The following NRG3 variants were observed in gnomAD, a reference collection of about 807,000 sequenced individuals.
NRG3 encodes the protein pro-neuregulin-3, membrane-bound isoform.
A neutral mutation model predicts 66.9 loss-of-function variants in NRG3; 31 were observed. The ratio of observed to expected loss-of-function variants is 0.46; its 90% CI spans 0.35 to 0.63. NRG3 has a LOEUF of 0.63. Among genes scored for constraint, NRG3 ranks in the 20% least tolerant of loss-of-function variants. The pLI is 0.00. For missense variants in NRG3, 910 were observed against 878.9 expected, an observed-to-expected ratio of 1.04 and a Z score of -0.45; for synonymous variants, 393 against 359.4, an observed-to-expected ratio of 1.09 and a Z score of -1.06.
intron 2 of NRG3, among the ~76,000 whole-genome samples, chr10:82,729,626 G>T (rs1399513426): frequency 6.6e-6 from 1 of 152,128 alleles, no homozygotes; most frequent in African/African-American, 2.4e-5. Context: ...TCATGACTAA[G>T]TAGAGGCAGA....
chr10:82,235,757 G>GCTAGGCT (rs1280025278), intron 1 of NRG3, among the ~76,000 whole-genome samples: 1 of 152,146 alleles, frequency 6.6e-6, no homozygotes, highest in African/African-American at 2.4e-5. Context: ...ATGACAGATT[G>GCTAGGCT]CTAGGCTCTG....
At chr10:82,978,494 G>A (rs982055944) in intron 7 of NRG3, among the ~76,000 whole-genome samples, 11 of 152,130 alleles carry the variant, frequency 7.2e-5, no homozygotes, top group African/African-American at 2.2e-4. Flanking sequence ...TAATTTTATC[G>A]CTAATAAGTG....
At chr10:82,340,160 G>A (rs1055678612) in intron 1 of NRG3, among the ~76,000 whole-genome samples, 11 of 152,090 alleles carry the variant, frequency 7.2e-5, no homozygotes, top group Admixed American at 6.6e-5. Context: ...AGTTAGTCCT[G>A]TTATAATCTC....
chr10:82,953,902 G>C (rs1384474182), intron 5 of NRG3, among the ~76,000 whole-genome samples: 1 of 150,324 alleles, frequency 6.7e-6, no homozygotes, highest in Non-Finnish European at 1.5e-5. Context: ...AGGTTGCAGT[G>C]AGCCAAGATC....
chr10:82,125,610 T>C (rs963947318), intron 1 of NRG3, among the ~76,000 whole-genome samples: 3 of 152,000 alleles, frequency 2.0e-5, no homozygotes, highest in Non-Finnish European at 4.4e-5. Flanking sequence ...CAAATGTATA[T>C]TTTTAGTCTT....
chr10:82,699,095 A>C (rs1250171928), intron 2 of NRG3, among the ~76,000 whole-genome samples: 1 of 152,200 alleles, frequency 6.6e-6, no homozygotes, highest in Non-Finnish European at 1.5e-5. Context: ...TCTCTGAAGC[A>C]CATGGGCATT....
At chr10:82,413,030 T>C (rs1269718512) in intron 2 of NRG3, among the ~76,000 whole-genome samples, 2 of 152,084 alleles carry the variant, frequency 1.3e-5, no homozygotes, top group Non-Finnish European at 1.5e-5. Context: ...TCCATGAGAG[T>C]TGGAATCAAC....
At chr10:82,576,780 C>A (rs2046058201) in intron 2 of NRG3, among the ~76,000 whole-genome samples, 1 of 151,680 alleles carries the variant, frequency 6.6e-6, no homozygotes, top group Non-Finnish European at 1.5e-5. Flanking sequence ...TAAACTCTTG[C>A]AGCACCAGTC....
At chr10:82,839,387 G>A (rs2135736348) in intron 3 of NRG3, among the ~76,000 whole-genome samples, 1 of 152,104 alleles carries the variant, frequency 6.6e-6, no homozygotes, top group East Asian at 1.9e-4. Context: ...AATTAAGTGA[G>A]AAGATAAATG....
chr10:82,291,658 A>G (rs994535950), intron 1 of NRG3, among the ~76,000 whole-genome samples: 1 of 152,180 alleles, frequency 6.6e-6, no homozygotes, highest in African/African-American at 2.4e-5. Flanking sequence ...ATTCACACCA[A>G]TTTGCCCACA....
chr10:82,020,307 G>A (rs1224263555), intron 1 of NRG3, among the ~76,000 whole-genome samples: 2 of 152,040 alleles, frequency 1.3e-5, no homozygotes, highest in Non-Finnish European at 2.9e-5. Context: ...TCCATAAACT[G>A]CCTTGTTTAA....
intron 3 of NRG3, among the ~76,000 whole-genome samples, chr10:82,758,458 T>A (rs768818044): frequency 4.7e-4 from 72 of 152,092 alleles, no homozygotes; most frequent in Non-Finnish European, 9.7e-4. Context: ...TGTCAATGAA[T>A]ACAAATTCTC....
In NRG3 at chr10:82,468,571, T is replaced by C. The variant is rs369245762; in HGVS notation, c.953+109703T>C. Among the ~76,000 whole-genome samples, 7 of 152,326 alleles carry C rather than the reference T, an allele frequency of 4.6e-5. No individual in the cohort carries two copies. The East Asian group carries it at 1.4e-3, about 29-fold the overall frequency. On this transcript the variant is annotated intron_variant, in intron 2 of 8. Coordinates refer to ENST00000372141, the MANE Select transcript of NRG3 (RefSeq NM_001010848.4). ...TTGAGGAGAGATTTCTATGGATACA[T>C]TGGCATTGTCCAGGAGACAGGTGAC...
chr10:82,064,384 T>C (rs904377406), intron 1 of NRG3, among the ~76,000 whole-genome samples: 4 of 151,534 alleles, frequency 2.6e-5, no homozygotes, highest in African/African-American at 4.8e-5. Flanking sequence ...AAATAATATA[T>C]TTATTATAAA....
intron 4 of NRG3, among the ~76,000 whole-genome samples, chr10:82,903,392 G>T (rs1283604726): frequency 6.6e-6 from 1 of 152,094 alleles, no homozygotes; most frequent in African/African-American, 2.4e-5. Flanking sequence ...TGTGTTTAGT[G>T]CAGTACCTTA....
chr10:82,877,371 CTTTTTTTT>C (rs59994503), intron 4 of NRG3, among the ~76,000 whole-genome samples: 3 of 79,000 alleles, frequency 3.8e-5, no homozygotes, highest in South Asian at 5.6e-4. Context: ...ATAGGGCAGA[CTTTTTTTT>C]TTTTTTTTTT....
intron 1 of NRG3, among the ~76,000 whole-genome samples, chr10:82,280,896 C>T (rs915558185): frequency 7.9e-5 from 12 of 152,192 alleles, no homozygotes; most frequent in African/African-American, 2.9e-4. Flanking sequence ...AGCATGGCCA[C>T]CCAGAGCAGA....
chr10:81,956,260 GC>G (rs34368964), intron 1 of NRG3, among the ~76,000 whole-genome samples: 2,156 of 152,268 alleles, frequency 0.014, 48 homozygotes, highest in African/African-American at 0.049. Context: ...CCTGGGGCAA[GC>G]CATTCACCAA....
At chr10:82,926,758 G>A (rs1847040663) in intron 4 of NRG3, among the ~76,000 whole-genome samples, 1 of 152,138 alleles carries the variant, frequency 6.6e-6, no homozygotes, top group South Asian at 2.1e-4. Context: ...TTTGAGGCCT[G>A]GCCTCTCTCA....
Sources: gnomAD v4.1 joint callset for allele counts (sites outside exome capture counted in the v4.1 genomes callset) on GRCh38, gnomAD v4.1.1 for gene constraint, MANE v1.5 for transcripts, NCBI Gene and HGNC (gene_info 2026-07-23, HGNC 2026-07-21) for gene names.